METTL8: variants seen among roughly 807,000 people sequenced by gnomAD.
METTL8 encodes tRNA N(3)-cytidine methyltransferase METTL8, mitochondrial.
Under a neutral mutation model 48.7 loss-of-function variants are expected in METTL8, and 32 were observed. The observed-to-expected ratio is 0.66, with a 90% CI of 0.50 to 0.88. METTL8 has a LOEUF of 0.88. Among genes scored for constraint, METTL8 ranks in the 40% least tolerant of loss-of-function variants. The pLI, the probability that METTL8 is intolerant of heterozygous loss-of-function variation, is 0.00. For synonymous variants in METTL8, 136 were observed against 157.1 expected (o/e 0.87, Z 1.01); for missense variants, 464 against 474.4 (o/e 0.98, Z 0.20).
intron 1 of METTL8, among the ~76,000 whole-genome samples, chr2:171,432,317 G>A (rs1468721944): frequency 6.6e-6 from 1 of 152,218 alleles, no homozygotes; most frequent in Non-Finnish European, 1.5e-5. Flanking sequence ...AAATTACTTA[G>A]GTGAAATGAA....
At chr2:171,357,190 C>T (rs925839687) in intron 3 of METTL8, among the ~76,000 whole-genome samples, 2 of 151,970 alleles carry the variant, frequency 1.3e-5, no homozygotes, top group Admixed American at 6.6e-5. Context: ...AACACCTGGC[C>T]TCAAGTGATC....
intron 9 of METTL8, 51 bp downstream of exon 9, chr2:171,325,790 A>T (rs528369044): frequency 2.5e-5 from 28 of 1,115,382 alleles, no homozygotes; most frequent in Non-Finnish European, 3.3e-5. Flanking sequence ...ATGAGATAAT[A>T]ACTAACAAGA....
intron 1 of METTL8, among the ~76,000 whole-genome samples, chr2:171,395,119 C>A (rs1688934382): frequency 6.6e-6 from 1 of 152,126 alleles, no homozygotes; most frequent in African/African-American, 2.4e-5. Context: ...TGACCCAATC[C>A]CTTTATGTAC....
chr2:171,342,862 G>A (rs1287576574), intron 3 of METTL8, among the ~76,000 whole-genome samples: 4 of 152,178 alleles, frequency 2.6e-5, no homozygotes, highest in East Asian at 1.9e-4. Context: ...GGGAAGTACA[G>A]GGGAGTAACC....
chr2:171,316,513 G>A lies in METTL8; in HGVS notation c.*7659C>T, dbSNP rs903779443. Reference sequence around the variant, plus strand: ...ACAAGGAAGATTATAATGAAGCTTTGTCTCACTAATCTCCAGAGCCCAGGT... The same window carrying A: ...ACAAGGAAGATTATAATGAAGCTTTATCTCACTAATCTCCAGAGCCCAGGT... On this transcript the variant is annotated 3_prime_UTR_variant, in exon 10 of 10. Coordinates refer to ENST00000375258, the MANE Select transcript of METTL8 (RefSeq NM_001321154.2). 6.6e-6 allele frequency among the ~76,000 whole-genome samples: 1 copy of A among 152,200 alleles called. No homozygotes were observed. The highest frequency in any genetic ancestry group is 2.4e-5 in the African/African-American group (1 of 41,442).
intron 2 of METTL8, among the ~76,000 whole-genome samples, chr2:171,379,588 G>A (rs931912206): frequency 7.9e-5 from 12 of 151,968 alleles, no homozygotes; most frequent in African/African-American, 2.4e-4. Flanking sequence ...ACTGACCCAC[G>A]GAAATACAAA....
intron 2 of METTL8, among the ~76,000 whole-genome samples, chr2:171,390,020 T>C (rs1006270549): frequency 2.0e-5 from 3 of 152,216 alleles, no homozygotes; most frequent in Non-Finnish European, 4.4e-5. Flanking sequence ...GACTCTCCTG[T>C]TAAGGGCTAA....
chr2:171,395,208 A>G (rs1688943713), intron 1 of METTL8, among the ~76,000 whole-genome samples: 1 of 152,226 alleles, frequency 6.6e-6, no homozygotes, highest in African/African-American at 2.4e-5. Flanking sequence ...AACTGTGTGA[A>G]TAAGTAGTAT....
At chr2:171,407,070 T>C (rs1032612301) in intron 1 of METTL8, among the ~76,000 whole-genome samples, 1 of 151,988 alleles carries the variant, frequency 6.6e-6, no homozygotes, top group African/African-American at 2.4e-5. Context: ...TGATTTAAGA[T>C]GGTGGAAGTG....
rs1438321536 is a variant in METTL8 at position 171,319,876 on chromosome 2, G to A, written c.*4296C>T. ...TTAAACAATATATTCCATTGTTTCT[G>A]TACTGTAAGAAGATGAAAGAATATA... is the stretch of plus-strand genomic sequence containing the variant. On this transcript the variant is annotated 3_prime_UTR_variant, in exon 10 of 10. Transcript: ENST00000375258. 1 of 152,120 alleles carries A rather than the reference G, an allele frequency of 6.6e-6. No homozygotes were observed. The highest frequency in any genetic ancestry group is 6.5e-5 in the Admixed American group (1 of 15,274). 9.4% of individuals were successfully genotyped at this position (152,120 alleles called of 1,614,324 possible). A position where few individuals can be genotyped will look rare whatever the true frequency, so the allele number is the denominator to read the frequency against.
intron 1 of METTL8, among the ~76,000 whole-genome samples, chr2:171,410,960 T>G (rs1690691233): frequency 2.6e-5 from 4 of 152,206 alleles, no homozygotes; most frequent in Non-Finnish European, 5.9e-5. Flanking sequence ...GAAGCCAAAG[T>G]TATCTGGAAA....
At chr2:171,427,657 T>C (rs1290790601) in intron 1 of METTL8, among the ~76,000 whole-genome samples, 1 of 152,242 alleles carries the variant, frequency 6.6e-6, no homozygotes, top group African/African-American at 2.4e-5. Context: ...ACATGTGTTC[T>C]CTTTAGAACG....
chr2:171,396,614 A>T (rs1463830274), intron 1 of METTL8, among the ~76,000 whole-genome samples: 1 of 152,212 alleles, frequency 6.6e-6, no homozygotes, highest in Admixed American at 6.5e-5. Flanking sequence ...TAATAATAAG[A>T]TAGCTACAAA....
intron 3 of METTL8, among the ~76,000 whole-genome samples, chr2:171,341,864 C>T (rs1247471830): frequency 6.6e-6 from 1 of 150,876 alleles, no homozygotes; most frequent in Non-Finnish European, 1.5e-5. Context: ...CACACACACA[C>T]ACACTTGTAG....
intron 1 of METTL8, chr2:171,414,573 A>T (rs754666300): frequency 3.9e-5 from 6 of 151,942 alleles, no homozygotes; most frequent in East Asian, 3.9e-4. Flanking sequence ...ACAAAAAATT[A>T]AAAAATTAGC....
intron 1 of METTL8, among the ~76,000 whole-genome samples, chr2:171,397,754 C>T (rs554105392): frequency 1.3e-5 from 2 of 152,110 alleles, no homozygotes; most frequent in East Asian, 1.9e-4. Context: ...TCACCACAGA[C>T]CTTACAGACA....
At chr2:171,363,792 T>TTATATATATA (rs200347847) in intron 2 of METTL8, among the ~76,000 whole-genome samples, 4,730 of 97,316 alleles carry the variant, frequency 0.049, 272 homozygotes, top group African/African-American at 0.065. Context: ...TCCCCAAATT[T>TTATATATATA]TATATATATA....
At chr2:171,394,394 G>GA (rs893476485) in intron 1 of METTL8, among the ~76,000 whole-genome samples, 40 of 144,252 alleles carry the variant, frequency 2.8e-4, no homozygotes, top group Admixed American at 5.5e-4. Context: ...ATAGAAGAGG[G>GA]AAAAAAAAAA....
intron 1 of METTL8, among the ~76,000 whole-genome samples, chr2:171,425,748 T>A (rs1274199922): frequency 6.6e-6 from 1 of 152,224 alleles, no homozygotes; most frequent in Non-Finnish European, 1.5e-5. Context: ...GGGTGTTAAT[T>A]TAAGCTACTA....
Sources: gnomAD v4.1 joint callset for allele counts (sites outside exome capture counted in the v4.1 genomes callset) on GRCh38, gnomAD v4.1.1 for gene constraint, MANE v1.5 for transcripts, NCBI Gene and HGNC (gene_info 2026-07-23, HGNC 2026-07-21) for gene names.